Variants in POLR1C observed in about 807,000 individuals in gnomAD.
POLR1C encodes the protein RNA polymerase I and III subunit C, also known as DNA-directed RNA polymerases I and III subunit RPAC1.
A neutral mutation model predicts 38.3 loss-of-function variants in POLR1C; 42 were observed. That is an observed-to-expected ratio of 1.10 (90% CI 0.86 to 1.42). The LOEUF is 1.42. POLR1C is among the 40% of genes most tolerant of loss of function. POLR1C has a pLI of 0.00. For synonymous variants in POLR1C, 163 were observed against 163.9 expected (o/e 0.99, Z 0.04); for missense variants, 507 against 450.5 (o/e 1.13, Z -1.14).
intron 9 of POLR1C, among the ~76,000 whole-genome samples, chr6:43,535,982 G>A (rs2127713641): frequency 6.6e-6 from 1 of 151,052 alleles, no homozygotes; most frequent in South Asian, 2.1e-4. Flanking sequence ...AATTAGACGA[G>A]TATGGCGGTG....
At chr6:43,530,369 C>G (rs1316015995), downstream of POLR1C, among the ~76,000 whole-genome samples, 5 of 151,030 alleles carry the variant, frequency 3.3e-5, no homozygotes, top group African/African-American at 1.2e-4. Flanking sequence ...AGCTGTGAGC[C>G]GAGATCATAC....
At chr6:43,560,143 C>T in intron 10 of POLR1C, 5 of 1,604,578 alleles carry the variant, frequency 3.1e-6, no homozygotes, top group Non-Finnish European at 4.3e-6. Context: ...TGTGTATTCA[C>T]CTACATTCCA....
chr6:43,554,512 C>T (rs1055666528), intron 10 of POLR1C, among the ~76,000 whole-genome samples: 1 of 151,830 alleles, frequency 6.6e-6, no homozygotes. Flanking sequence ...GAAACCTCCA[C>T]CTCCTGGGTT....
At chr6:43,531,386 A>T, downstream of POLR1C, 2 of 1,157,862 alleles carry the variant, frequency 1.7e-6, no homozygotes, top group Non-Finnish European at 2.6e-6. Context: ...GCCTCGCCTT[A>T]CCTGTACACT....
chr6:43,547,825 G>A (rs1795035983), intron 9 of POLR1C: 5 of 758,566 alleles, frequency 6.6e-6, no homozygotes, highest in Middle Eastern at 2.6e-4. Flanking sequence ...TATAGTGAGA[G>A]GAGTATAATC....
chr6:43,520,836 GAAAT>G (rs1451792934), intron 7 of POLR1C, 62 bp downstream of exon 7: 1 of 1,606,824 alleles, frequency 6.2e-7, no homozygotes, highest in Non-Finnish European at 8.5e-7. Flanking sequence ...CAAGGTGACA[GAAAT>G]AAAAACCCTG....
chr6:43,553,566 G>C, intron 10 of POLR1C: 1 of 1,511,418 alleles, frequency 6.6e-7, no homozygotes, highest in Non-Finnish European at 8.9e-7. Flanking sequence ...AGCATTGAAA[G>C]ATCGCAGAAG....
At chr6:43,537,683 A>T (rs533525046) in intron 9 of POLR1C, among the ~76,000 whole-genome samples, 1 of 152,334 alleles carries the variant, frequency 6.6e-6, no homozygotes, top group Admixed American at 6.5e-5. Context: ...AGTAGACAAG[A>T]TCAAACAATA....
chr6:43,521,739 C>T (rs570696568), downstream of POLR1C, among the ~76,000 whole-genome samples: 5 of 152,052 alleles, frequency 3.3e-5, 1 homozygote, highest in African/African-American at 1.2e-4. Flanking sequence ...CCATGTTGGT[C>T]AGGCTGGTGT....
intron 9 of POLR1C, chr6:43,538,825 T>A: frequency 1.8e-6 from 2 of 1,117,326 alleles, no homozygotes; most frequent in Non-Finnish European, 2.5e-6. Context: ...AAAAACCCTA[T>A]GTTGTAGCCA....
intron 9 of POLR1C, chr6:43,550,818 T>C (rs995181834): frequency 6.6e-6 from 1 of 152,454 alleles, no homozygotes; most frequent in Admixed American, 6.5e-5. Flanking sequence ...ATCACCCACC[T>C]AGTCAACTGA....
chr6:43,520,034 C>T, intron 4 of POLR1C, 32 bp from the exon 5 acceptor site: 1 of 1,613,148 alleles, frequency 6.2e-7, no homozygotes, highest in Non-Finnish European at 8.5e-7. Context: ...CAGACGTTTA[C>T]TAGTTCTTAG....
rs1458971406 is a variant in POLR1C, at chr6:43,520,439, G to C, written c.655+12G>C. On this transcript the variant is annotated intron_variant, in intron 6 of 8. Coordinates refer to ENST00000642195, the MANE Select transcript of POLR1C (RefSeq NM_203290.4). Reference sequence around the variant, plus strand: ...TGTCAAGGGCATTGGTGAGAACCCTGTGTGCCTTCCTGGGAAGGGGGATAG... The same window carrying C: ...TGTCAAGGGCATTGGTGAGAACCCTCTGTGCCTTCCTGGGAAGGGGGATAG... The C allele has an allele frequency of 6.2e-7, 1 of 1,613,102 alleles. No homozygotes were observed. The highest frequency in any genetic ancestry group is 8.5e-7 in the Non-Finnish European group (1 of 1,180,032).
At chr6:43,560,901 G>A in intron 10 of POLR1C, 1 of 1,594,764 alleles carries the variant, frequency 6.3e-7, no homozygotes, top group African/African-American at 1.3e-5. Flanking sequence ...AAACTTTTGA[G>A]AAGTTACCTG....
Position 43,520,929 on chromosome 6 carries a change from T to G in POLR1C, c.806-3T>G, listed in dbSNP as rs751702117. ...ATAAAAAAACATGGTTTGTTCTCAT[T>G]AGGTAAAAAGGTGGCCAGAGTTGCC... is the stretch of plus-strand genomic sequence containing the variant. On this transcript the variant is annotated splice_polypyrimidine_tract_variant and splice_region_variant and intron_variant, in intron 7 of 8. Coordinates refer to ENST00000642195, the MANE Select transcript of POLR1C (RefSeq NM_203290.4). 4.3e-6 allele frequency: 7 copies of G among 1,613,262 alleles called. No individual in the cohort carries two copies. The Admixed American group carries it at 8.3e-5, about 19-fold the overall frequency.
At chr6:43,550,187 T>C (rs1795160818) in intron 9 of POLR1C, among the ~76,000 whole-genome samples, 2 of 152,194 alleles carry the variant, frequency 1.3e-5, no homozygotes, top group South Asian at 4.1e-4. Context: ...ATTCATGCCA[T>C]CACCCAAGCA....
chr6:43,530,689 A>C, downstream of POLR1C: 1 of 1,613,514 alleles, frequency 6.2e-7, no homozygotes, highest in Non-Finnish European at 8.5e-7. Flanking sequence ...AAAGGATATG[A>C]AGCATGGGTC....
At chr6:43,553,014 T>C (rs1795324307) in intron 10 of POLR1C, among the ~76,000 whole-genome samples, 1 of 152,188 alleles carries the variant, frequency 6.6e-6, no homozygotes, top group Non-Finnish European at 1.5e-5. Flanking sequence ...GATTTTCCTA[T>C]TCTACTACCA....
At chr6:43,527,116 G>A in intron 8 of POLR1C, 1 of 237,884 alleles carries the variant, frequency 4.2e-6, no homozygotes, top group East Asian at 9.2e-5. Flanking sequence ...TCCCTATTTT[G>A]ACAAAACTAG....
Sources: gnomAD v4.1 joint callset for allele counts (sites outside exome capture counted in the v4.1 genomes callset) on GRCh38, gnomAD v4.1.1 for gene constraint, MANE v1.5 for transcripts, NCBI Gene and HGNC (gene_info 2026-07-23, HGNC 2026-07-21) for gene names.